The following MFAP5 variants were observed in gnomAD, a reference collection of about 807,000 sequenced individuals.
The protein encoded by MFAP5 is microfibril associated protein 5.
Under a neutral mutation model 30.1 loss-of-function variants are expected in MFAP5, and 19 were observed. That is an observed-to-expected ratio of 0.63 (90% CI 0.44 to 0.93). The LOEUF is 0.93. MFAP5 is among the 40% of genes least tolerant of loss of function. The probability of loss-of-function intolerance (pLI) is 0.00; values close to 1 mark genes in which losing one functional copy is unlikely to be tolerated. For missense variants in MFAP5, 210 were observed against 221.3 expected (o/e 0.95, Z 0.32); for synonymous variants, 92 against 72.9 (o/e 1.26, Z -1.33).
At position 8,654,429 on chromosome 12, in the gene MFAP5, G is replaced by T; in HGVS notation, c.217+8C>A. On this transcript the variant is annotated splice_region_variant and intron_variant, in intron 6 of 9. Transcript: ENST00000359478. ...CTGATGACCTGGGGGTCCCAGATCT[G>T]AACTCACCCAAGTCATCTGTGGAAG... The T allele has an allele frequency of 1.3e-6, 2 of 1,597,318 alleles. No homozygotes were observed. Among genetic ancestry groups the T allele is most frequent in the South Asian group, 1.1e-5 (1 of 87,798 alleles).
At chr12:8,657,866 C>T (rs1942048933) in intron 3 of MFAP5, among the ~76,000 whole-genome samples, 1 of 152,122 alleles carries the variant, frequency 6.6e-6, no homozygotes, top group Non-Finnish European at 1.5e-5. Context: ...GCCACCATGC[C>T]CGGCCTGACT....
chr12:8,650,395 T>A (rs1005895662), intron 8 of MFAP5, 107 bp downstream of exon 8: 3 of 1,025,000 alleles, frequency 2.9e-6, no homozygotes, highest in East Asian at 5.0e-5. Context: ...GCTAAAAACT[T>A]TGGCCCCATC....
chr12:8,647,312 T>C lies in MFAP5; in HGVS notation c.*779A>G, dbSNP rs374806623. The C allele has an allele frequency of 5.5e-4, 84 of 152,348 alleles. No homozygotes were observed. The highest frequency in any genetic ancestry group is 1.8e-3 in the African/African-American group (74 of 41,588). The allele number at this position is 152,348 out of a possible 1,614,324, so 9.4% of individuals were successfully genotyped here. A position where few individuals can be genotyped will look rare whatever the true frequency, so the allele number is the denominator to read the frequency against. On this transcript the variant is annotated 3_prime_UTR_variant, in exon 10 of 10. Transcript: ENST00000359478. ...CTTTGTGGTGGTGGGTTCATCCCGG[T>C]ACTACCCATAAACGAATCAGTAAAT...
chr12:8,648,358 T>C, intron 9 of MFAP5, 155 bp from the exon 10 acceptor site: 1 of 908,752 alleles, frequency 1.1e-6, no homozygotes, highest in Non-Finnish European at 1.6e-6. Flanking sequence ...ACTTTAGTTA[T>C]TTGCCACTTC....
chr12:8,661,940 G>A lies in MFAP5; in HGVS notation c.58+107C>T, dbSNP rs764478432. On this transcript the variant is annotated intron_variant, in intron 2 of 9. Coordinates refer to ENST00000359478, the MANE Select transcript of MFAP5 (RefSeq NM_003480.4). ...TAGGAATTCCAGAGCTCAATACCAA[G>A]CATCTCTACTGCTATTCCTCTTCGA... is the stretch of plus-strand genomic sequence containing the variant. 15 of 1,063,322 alleles carry A rather than the reference G, an allele frequency of 1.4e-5. No homozygotes were observed. In the South Asian group the frequency reaches 1.6e-4, roughly 11 times the overall value. The allele number at this position is 1,063,322 out of a possible 1,614,324, so 65.9% of individuals were successfully genotyped here. A position where few individuals can be genotyped will look rare whatever the true frequency, so the allele number is the denominator to read the frequency against.
chr12:8,654,424 G>T lies in MFAP5; in HGVS notation c.217+13C>A. ...TGGCCCTGATGACCTGGGGGTCCCA[G>T]ATCTGAACTCACCCAAGTCATCTGT... is the stretch of plus-strand genomic sequence containing the variant. On this transcript the variant is annotated intron_variant, in intron 6 of 9. Coordinates refer to ENST00000359478, the MANE Select transcript of MFAP5 (RefSeq NM_003480.4). 6.3e-7 allele frequency: 1 copy of T among 1,594,992 alleles called. No homozygotes were observed. Among genetic ancestry groups the T allele is most frequent in the Non-Finnish European group, 8.5e-7 (1 of 1,170,258 alleles).
intron 9 of MFAP5, chr12:8,648,528 C>T (rs1020776486): frequency 4.7e-6 from 6 of 1,290,058 alleles, no homozygotes; most frequent in Admixed American, 2.3e-5. Context: ...CTTTATATAT[C>T]CAGCTGCCAA....
chr12:8,660,704 A>G, intron 3 of MFAP5, among the ~76,000 whole-genome samples, 159 bp downstream of exon 3: 1 of 150,116 alleles, frequency 6.7e-6, no homozygotes. Context: ...AGTTGATCCT[A>G]TTTCTCACAC....
intron 2 of MFAP5, 112 bp from the exon 3 acceptor site, chr12:8,661,010 G>T: frequency 1.1e-6 from 1 of 881,908 alleles, no homozygotes; most frequent in Non-Finnish European, 1.8e-6. Flanking sequence ...TTATCTTTGT[G>T]ACTTATTCCT....
At position 8,647,158 on chromosome 12, in the gene MFAP5, A is replaced by G. The variant is rs1010859355; in HGVS notation, c.*933T>C. 6 of 152,206 alleles carry G rather than the reference A, an allele frequency of 3.9e-5. No individual in the cohort carries two copies. The East Asian group carries it at 5.8e-4, about 15-fold the overall frequency. The allele number at this position is 152,206 out of a possible 1,614,324, so 9.4% of individuals were successfully genotyped here. The stretch of plus-strand genomic sequence containing the variant: ...GTCTGAATGCCCTTCTTAGGCCCCA[A>G]TCAGGATATCCAAAAGCCACTTGCA... On this transcript the variant is annotated 3_prime_UTR_variant, in exon 10 of 10. Coordinates refer to ENST00000359478, the MANE Select transcript of MFAP5 (RefSeq NM_003480.4).
chr12:8,659,175 G>T (rs1441617660), intron 3 of MFAP5, among the ~76,000 whole-genome samples: 1 of 151,912 alleles, frequency 6.6e-6, no homozygotes, highest in Admixed American at 6.6e-5. Context: ...AGTTGTGGTG[G>T]CGCATGCCTA....
intron 3 of MFAP5, 78 bp downstream of exon 3, chr12:8,660,785 G>A (rs1459208813): frequency 1.4e-4 from 177 of 1,247,964 alleles, no homozygotes; most frequent in Non-Finnish European, 1.9e-4. Context: ...AGATAAGCAG[G>A]AAGGATTTTT....
chr12:8,648,349 C>T (rs1941740877), intron 9 of MFAP5, 146 bp from the exon 10 acceptor site: 1 of 896,208 alleles, frequency 1.1e-6, no homozygotes, highest in Non-Finnish European at 1.7e-6. Flanking sequence ...CTGCCACTTA[C>T]TTTAGTTATT....
intron 2 of MFAP5, 129 bp from the exon 3 acceptor site, chr12:8,661,027 C>T (rs1002430040): frequency 3.0e-6 from 2 of 669,964 alleles, no homozygotes; most frequent in African/African-American, 1.8e-5. Context: ...TCCTATATAG[C>T]TCAATATAAA....
At chr12:8,650,740 G>T in intron 7 of MFAP5, 151 bp from the exon 8 acceptor site, 1 of 675,932 alleles carries the variant, frequency 1.5e-6, no homozygotes, top group Non-Finnish European at 2.5e-6. Context: ...CATCCTTTCC[G>T]TCCACCAAAA....
intron 3 of MFAP5, among the ~76,000 whole-genome samples, chr12:8,658,915 C>G (rs567350354): frequency 6.6e-6 from 1 of 151,612 alleles, no homozygotes; most frequent in African/African-American, 2.4e-5. Flanking sequence ...TTTGCAGCTT[C>G]GAACTCCTGG....
intron 8 of MFAP5, among the ~76,000 whole-genome samples, chr12:8,649,956 A>G (rs765303345): frequency 2.0e-5 from 3 of 152,206 alleles, no homozygotes; most frequent in African/African-American, 4.8e-5. Context: ...CTGAGTCCCC[A>G]AAGTCCATTA....
At chr12:8,649,778 T>C (rs901439845) in intron 8 of MFAP5, among the ~76,000 whole-genome samples, 3 of 152,360 alleles carry the variant, frequency 2.0e-5, no homozygotes, top group African/African-American at 4.8e-5. Flanking sequence ...ATTACTCTTC[T>C]GTTTTTTAAA....
At chr12:8,654,770 A>AC (rs1941937145) in intron 5 of MFAP5, among the ~76,000 whole-genome samples, 2 of 151,856 alleles carry the variant, frequency 1.3e-5, no homozygotes, top group Admixed American at 6.6e-5. Flanking sequence ...ATATAGTGAA[A>AC]CCCCATCTCT....
Sources: allele counts gnomAD v4.1 joint callset (sites outside exome capture counted in the v4.1 genomes callset), GRCh38; gene constraint gnomAD v4.1.1; transcripts MANE v1.5; gene names NCBI Gene and HGNC (gene_info 2026-07-23, HGNC 2026-07-21).